CACNB2: variants seen among roughly 807,000 people sequenced by gnomAD.
CACNB2 encodes the protein voltage-dependent L-type calcium channel subunit beta-2.
A neutral mutation model predicts 73.3 loss-of-function variants in CACNB2; 42 were observed. The observed-to-expected ratio is 0.57, with a 90% CI of 0.45 to 0.74. The LOEUF is 0.74. Ranked by LOEUF, CACNB2 falls within the 30% of genes least tolerant of loss-of-function variation. The pLI is 0.00. For missense variants in CACNB2, 940 were observed against 853.0 expected, an observed-to-expected ratio of 1.10 and a Z score of -1.27; for synonymous variants, 348 against 310.3, an observed-to-expected ratio of 1.12 and a Z score of -1.28.
intron 3 of CACNB2, among the ~76,000 whole-genome samples, chr10:18,414,837 T>A (rs1210832699): frequency 6.6e-6 from 1 of 151,856 alleles, no homozygotes; most frequent in Non-Finnish European, 1.5e-5. Context: ...AACACAGCAA[T>A]AAATATGCAG....
At chr10:18,226,358 G>A (rs140983310) in intron 2 of CACNB2, among the ~76,000 whole-genome samples, 154 of 152,248 alleles carry the variant, frequency 1.0e-3, no homozygotes, top group African/African-American at 3.6e-3. Context: ...GACTGGCATC[G>A]GCTACTTCAG....
intron 1 of CACNB2, among the ~76,000 whole-genome samples, chr10:18,143,554 T>G (rs1302144396): frequency 6.6e-6 from 1 of 152,188 alleles, no homozygotes; most frequent in Non-Finnish European, 1.5e-5. Flanking sequence ...ATGAAAGCAA[T>G]TTGACTTGAA....
intron 2 of CACNB2, among the ~76,000 whole-genome samples, chr10:18,209,059 C>T (rs1223927319): frequency 6.6e-6 from 1 of 152,180 alleles, no homozygotes; most frequent in Non-Finnish European, 1.5e-5. Flanking sequence ...AGATTAGCTG[C>T]CATTCCACAT....
intron 6 of CACNB2, among the ~76,000 whole-genome samples, chr10:18,512,840 A>G (rs933441048): frequency 6.6e-6 from 1 of 152,186 alleles, no homozygotes; most frequent in Non-Finnish European, 1.5e-5. Flanking sequence ...GCAAGAGGTC[A>G]TGTGAATATG....
chr10:18,468,038 T>G (rs1408725430), intron 3 of CACNB2, among the ~76,000 whole-genome samples: 1 of 152,182 alleles, frequency 6.6e-6, no homozygotes, highest in Non-Finnish European at 1.5e-5. Flanking sequence ...GAAGATGGCA[T>G]TCCTACATCT....
chr10:18,367,444 T>C (rs2042403231), intron 2 of CACNB2, among the ~76,000 whole-genome samples: 2 of 152,214 alleles, frequency 1.3e-5, no homozygotes, highest in African/African-American at 2.4e-5. Context: ...AAACTTGATT[T>C]CCTAGTGAAA....
At chr10:18,408,871 A>G (rs2044449337) in intron 3 of CACNB2, among the ~76,000 whole-genome samples, 1 of 152,032 alleles carries the variant, frequency 6.6e-6, no homozygotes, top group Non-Finnish European at 1.5e-5. Context: ...TTATTTTTTT[A>G]GACAAGGTCT....
intron 3 of CACNB2, among the ~76,000 whole-genome samples, chr10:18,418,828 G>A (rs1299213688): frequency 6.6e-6 from 1 of 152,194 alleles, no homozygotes; most frequent in Non-Finnish European, 1.5e-5. Flanking sequence ...TGGACAGGAA[G>A]TGAATTCAAC....
chr10:18,140,967 C>T (rs2030323503), intron 1 of CACNB2, 111 bp downstream of exon 1: 4 of 1,518,820 alleles, frequency 2.6e-6, no homozygotes, highest in Middle Eastern at 4.7e-4. Context: ...GCACCTCCTC[C>T]CCTCGTCGCC....
intron 2 of CACNB2, among the ~76,000 whole-genome samples, chr10:18,195,816 C>T (rs73595503): frequency 0.051 from 7,703 of 152,276 alleles, 539 homozygotes; most frequent in African/African-American, 0.16. Context: ...TAAAAGCTGT[C>T]GCTTTCTGTG....
At chr10:18,471,337 C>A (rs575929397) in intron 3 of CACNB2, among the ~76,000 whole-genome samples, 1 of 152,174 alleles carries the variant, frequency 6.6e-6, no homozygotes, top group Non-Finnish European at 1.5e-5. Flanking sequence ...AGGTATTGAA[C>A]AGAATTGAAA....
intron 2 of CACNB2, among the ~76,000 whole-genome samples, chr10:18,174,761 G>A (rs2033480919): frequency 1.3e-5 from 2 of 152,042 alleles, no homozygotes; most frequent in Admixed American, 1.3e-4. Context: ...AAGTATTACA[G>A]ACAAGTATGT....
rs1564680109 is a variant in CACNB2, at chr10:18,539,756, T to C, written c.*32T>C. On this transcript the variant is annotated 3_prime_UTR_variant, in exon 14 of 14. Transcript: ENST00000324631. Reference sequence around the variant, plus strand: ...CCCGTTTGTGTTTTTTTTTTTTTTTTTTTGAAGTCTTGTATAACTAACAGC... The same window carrying C: ...CCCGTTTGTGTTTTTTTTTTTTTTTCTTTGAAGTCTTGTATAACTAACAGC... 2.5e-6 allele frequency: 4 copies of C among 1,582,272 alleles called. No individual in the cohort carries two copies. Among genetic ancestry groups the C allele is most frequent in the East Asian group, 2.3e-5 (1 of 44,310 alleles).
chr10:18,358,473 G>A (rs188897163), intron 2 of CACNB2, among the ~76,000 whole-genome samples: 160 of 132,720 alleles, frequency 1.2e-3, no homozygotes, highest in African/African-American at 4.3e-3. Flanking sequence ...AATGAATGAG[G>A]GAAATTCCTT....
intron 2 of CACNB2, among the ~76,000 whole-genome samples, chr10:18,194,117 G>A (rs1197938593): frequency 2.0e-5 from 3 of 152,132 alleles, no homozygotes; most frequent in African/African-American, 7.2e-5. Flanking sequence ...TCCAGACAGA[G>A]ATGCCCCATG....
intron 2 of CACNB2, among the ~76,000 whole-genome samples, chr10:18,354,908 C>A (rs2041849263): frequency 1.4e-5 from 2 of 141,788 alleles, no homozygotes; most frequent in Admixed American, 1.5e-4. Flanking sequence ...ATCCAAAAAT[C>A]CGAAATCCAA....
At chr10:18,196,477 T>A (rs770596416) in intron 2 of CACNB2, among the ~76,000 whole-genome samples, 2 of 151,802 alleles carry the variant, frequency 1.3e-5, no homozygotes, top group Non-Finnish European at 2.9e-5. Flanking sequence ...CCAGCATGCC[T>A]GGCTAAATTT....
chr10:18,486,987 C>T (rs1490239173), intron 3 of CACNB2, among the ~76,000 whole-genome samples: 1 of 152,124 alleles, frequency 6.6e-6, no homozygotes, highest in Non-Finnish European at 1.5e-5. Flanking sequence ...GAGAAGGGCT[C>T]CCAAGTGCGT....
chr10:18,481,659 G>A (rs2048784806), intron 3 of CACNB2, among the ~76,000 whole-genome samples: 2 of 151,994 alleles, frequency 1.3e-5, no homozygotes, highest in South Asian at 4.2e-4. Flanking sequence ...GTCTATTACA[G>A]CCCCTCAGAT....
Sources: gnomAD v4.1 joint callset for allele counts (sites outside exome capture counted in the v4.1 genomes callset) on GRCh38, gnomAD v4.1.1 for gene constraint, MANE v1.5 for transcripts, NCBI Gene and HGNC (gene_info 2026-07-23, HGNC 2026-07-21) for gene names.